The following STARD8 variants were observed in gnomAD, a reference collection of about 807,000 sequenced individuals.
STARD8 encodes StAR related lipid transfer domain containing 8, also known as stAR-related lipid transfer protein 8.
In STARD8, 25 loss-of-function variants were observed where a neutral mutation model predicts 69.4. That is an observed-to-expected ratio of 0.36 (90% CI 0.26 to 0.50). The LOEUF is 0.50. Ranked by LOEUF, STARD8 falls within the 20% of genes least tolerant of loss-of-function variation. The pLI is 0.96. For synonymous variants in STARD8, 389 were observed against 374.6 expected (o/e 1.04, Z -0.45); for missense variants, 921 against 932.5 (o/e 0.99, Z 0.16).
rs754199580 is a variant in STARD8, at chrX:68,718,712, C to A, written c.1715+83C>A. On this transcript the variant is annotated intron_variant, in intron 6 of 14. Coordinates refer to ENST00000374599, the MANE Select transcript of STARD8 (RefSeq NM_001142503.3). ...TGAAGCTGATTTCTCAGTCATGAGG[C>A]CCAGGGCTAAGTGCTTGGCGGCTGC... 105 of 1,103,673 alleles carry A rather than the reference C, an allele frequency of 9.5e-5. No individual in the cohort carries two copies. In the South Asian group the frequency reaches 2.2e-3, roughly 24 times the overall value. The allele number at this position is 1,103,673 out of a possible 1,213,427, so 91.0% of individuals were successfully genotyped here. A position where few individuals can be genotyped will look rare whatever the true frequency, so the allele number is the denominator to read the frequency against.
At chrX:68,684,405 G>C (rs184989338) in intron 2 of STARD8, among the ~76,000 whole-genome samples, 3 of 113,039 alleles carry the variant, frequency 2.7e-5, no homozygotes, top group Admixed American at 9.3e-5. Context: ...GGCGGGAGAT[G>C]CCTTAGCAGG....
At chrX:68,678,284 T>A (rs193243203) in intron 2 of STARD8, among the ~76,000 whole-genome samples, 4 of 111,077 alleles carry the variant, frequency 3.6e-5, no homozygotes, top group Admixed American at 1.9e-4. Context: ...AGGGTTGTGG[T>A]TTAGCAAGTT....
At chrX:68,662,000 C>CT (rs1436321667) in intron 1 of STARD8, among the ~76,000 whole-genome samples, 1 of 84,056 alleles carries the variant, frequency 1.2e-5, no homozygotes, top group Non-Finnish European at 2.2e-5. Flanking sequence ...TTCTTTCTTT[C>CT]TTTCTTTCTT....
Position 68,724,643 on chromosome X carries a change from C to G in STARD8, c.*221C>G. The stretch of plus-strand genomic sequence containing the variant: ...CTCCACTCCCCCTTCACCCCCAACC[C>G]TGTATTCTACTCTCCCGAAAAGAGA... On this transcript the variant is annotated 3_prime_UTR_variant, in exon 15 of 15. Transcript: ENST00000374599. The G allele has an allele frequency of 2.8e-6, 1 of 361,565 alleles. No homozygotes were observed. Among genetic ancestry groups the G allele is most frequent in the Non-Finnish European group, 4.8e-6 (1 of 209,064 alleles). 29.8% of individuals were successfully genotyped at this position (361,565 alleles called of 1,213,427 possible).
intron 2 of STARD8, among the ~76,000 whole-genome samples, chrX:68,697,587 C>T (rs2079930782): frequency 8.9e-6 from 1 of 112,701 alleles, no homozygotes; most frequent in African/African-American, 3.2e-5. Flanking sequence ...GCGCCTGGCC[C>T]CTGAGGCCAG....
chrX:68,722,288 C>T, intron 11 of STARD8, 127 bp downstream of exon 11: 2 of 839,765 alleles, frequency 2.4e-6, no homozygotes, highest in Non-Finnish European at 3.4e-6. Context: ...ACCCCCAACT[C>T]TTCCCCCACA....
At chrX:68,662,457 T>C (rs1418323867) in intron 1 of STARD8, among the ~76,000 whole-genome samples, 1 of 111,639 alleles carries the variant, frequency 9.0e-6, no homozygotes, top group Non-Finnish European at 1.9e-5. Flanking sequence ...AAGTCTCAAG[T>C]TCTTAAGATG....
In STARD8 at chrX:68,675,147, G is replaced by A. The variant is rs936674851; in HGVS notation, c.79+9615G>A. On this transcript the variant is annotated intron_variant, in intron 2 of 14. Transcript: ENST00000374599. ...TAATTTTTGTATTTTTAGTTGAGACGGGGTTTCACCATGTTGGCCAGGCTG... is the reference window on the plus strand; with the variant it reads ...TAATTTTTGTATTTTTAGTTGAGACAGGGTTTCACCATGTTGGCCAGGCTG... Among the ~76,000 whole-genome samples the A allele has an allele frequency of 6.4e-5, 7 of 110,236 alleles. No individual in the cohort carries two copies. The East Asian group carries it at 2.0e-3, about 32-fold the overall frequency.
chrX:68,647,764 G>A lies in STARD8; in HGVS notation c.-119G>A, dbSNP rs983544182. On this transcript the variant is annotated 5_prime_UTR_variant, in exon 1 of 15. Coordinates refer to ENST00000374599, the MANE Select transcript of STARD8 (RefSeq NM_001142503.3). ...TCCCCTCGCGGGGCCGGCTCATGGA[G>A]CGCAGGGACCGGGCTGGCTCTCGCC... The A allele has an allele frequency of 4.8e-5, 45 of 933,027 alleles. No homozygotes were observed. The highest frequency in any genetic ancestry group is 6.4e-5 in the Non-Finnish European group (44 of 683,971). 76.9% of individuals were successfully genotyped at this position (933,027 alleles called of 1,213,427 possible). A position where few individuals can be genotyped will look rare whatever the true frequency, so the allele number is the denominator to read the frequency against.
rs2080180901 is a variant in STARD8 at position 68,724,372 on chromosome X, C to T, written c.3262C>T (p.Arg1088Trp). 4 of 1,207,288 alleles carry T rather than the reference C, an allele frequency of 3.3e-6. No homozygotes were observed. Among genetic ancestry groups the T allele is most frequent in the East Asian group, 3.0e-5 (1 of 33,688 alleles). The change falls in exon 15 of 15, where the codon CGG (arginine) becomes TGG (tryptophan). Residue 1088 changes from arginine to tryptophan, a missense_variant. By Grantham distance (101) the Arg-to-Trp change is moderately radical. Transcript: ENST00000374599. ...GTGTGCCATGGAAGTGGCAAAGATCCGGGACTCCTTCCCCACCCTGCAGGC... is the reference window on the plus strand; with the variant it reads ...GTGTGCCATGGAAGTGGCAAAGATCTGGGACTCCTTCCCCACCCTGCAGGC... ...HLCAMEVAKI[R>W]DSFPTLQAAG...
chrX:68,720,911 C>A lies in STARD8; in HGVS notation c.2050-13C>A, dbSNP rs756956201. On this transcript the variant is annotated splice_polypyrimidine_tract_variant and intron_variant, in intron 8 of 14. Transcript: ENST00000374599. ...ATGTTTTCCTCACTCCCTCCCTCCC[C>A]TGCATGGAGTAGGTAGGCATCTTCC... 8.3e-6 allele frequency: 10 copies of A among 1,205,405 alleles called. No homozygotes were observed. The South Asian group carries it at 1.6e-4, about 19-fold the overall frequency.
In STARD8 at chrX:68,719,336, A is replaced by G. The variant is rs61996267; in HGVS notation, c.1827A>G (p.Ser609=). The G allele has an allele frequency of 5.0e-3, 5,992 of 1,206,084 alleles. 223 individuals carry two copies. In the African/African-American group the frequency reaches 0.092, roughly 19 times the overall value. ...AGQINLLHKG[S]LLRLTAFMEK... is the part of the protein sequence containing the mutation. Reference sequence around the variant, plus strand: ...AGATCAACCTCCTGCACAAGGGCTCACTGCTGCGGCTTACCGCGTTCATGG... The same window carrying G: ...AGATCAACCTCCTGCACAAGGGCTCGCTGCTGCGGCTTACCGCGTTCATGG... Residue 609 remains serine, a synonymous_variant, in exon 7 of 15, where the codon TCA becomes TCG. Transcript: ENST00000374599.
intron 2 of STARD8, among the ~76,000 whole-genome samples, chrX:68,690,134 T>A (rs1036856508): frequency 1.8e-5 from 2 of 110,466 alleles, no homozygotes; most frequent in African/African-American, 6.6e-5. Context: ...GCAGGCTTCG[T>A]TGAGGCATGC....
At chrX:68,679,535 T>C (rs1051833727) in intron 2 of STARD8, among the ~76,000 whole-genome samples, 1 of 112,028 alleles carries the variant, frequency 8.9e-6, no homozygotes, top group Non-Finnish European at 1.9e-5. Context: ...ACAGCCCCCT[T>C]GGTTAAACTA....
intron 2 of STARD8, among the ~76,000 whole-genome samples, chrX:68,683,763 C>T (rs2079814068): frequency 8.9e-6 from 1 of 112,607 alleles, no homozygotes; most frequent in South Asian, 3.6e-4. Context: ...TCATCACATT[C>T]TTCCCTCTCA....
At chrX:68,713,577 G>A (rs1038147193) in intron 3 of STARD8, among the ~76,000 whole-genome samples, 16 of 111,086 alleles carry the variant, frequency 1.4e-4, no homozygotes, top group African/African-American at 4.6e-4. Context: ...AGCAGCATTC[G>A]GTGCCACTGG....
chrX:68,692,728 A>G (rs765019793), intron 2 of STARD8, among the ~76,000 whole-genome samples: 7 of 112,751 alleles, frequency 6.2e-5, no homozygotes. Context: ...GCATGGTGGC[A>G]CACACCTGTT....
intron 2 of STARD8, among the ~76,000 whole-genome samples, chrX:68,683,204 T>C (rs2079811229): frequency 9.4e-6 from 1 of 106,153 alleles, no homozygotes; most frequent in Admixed American, 9.7e-5. Flanking sequence ...TGGTGGGAAG[T>C]GGTGGAGGTA....
At position 68,724,018 on chromosome X, in the gene STARD8, C is replaced by T; in HGVS notation, c.3091C>T (p.Pro1031Ser). The T allele has an allele frequency of 8.2e-7, 1 of 1,212,169 alleles. No homozygotes were observed. Among genetic ancestry groups the T allele is most frequent in the Non-Finnish European group, 1.1e-6 (1 of 895,597 alleles). ...SQSLDPEQPVPESGVRALMLT... is the reference protein window; with the variant it reads ...SQSLDPEQPVSESGVRALMLT... ...GTCCCTGGATCCGGAACAACCTGTG[C>T]CAGAGTCGGGTGTGCGAGCCCTCAT... Residue 1031 changes from proline (P) to serine (S), a missense_variant, in exon 14 of 15, where the codon CCA (proline) becomes TCA (serine). Pro to Ser is a moderately conservative substitution (Grantham distance 74). Transcript: ENST00000374599.
Sources: allele counts gnomAD v4.1 joint callset (sites outside exome capture counted in the v4.1 genomes callset), GRCh38; gene constraint gnomAD v4.1.1; transcripts MANE v1.5; gene names NCBI Gene and HGNC (gene_info 2026-07-23, HGNC 2026-07-21).